The following SEMA4A variants were observed in gnomAD, a reference collection of about 807,000 sequenced individuals.
The protein encoded by SEMA4A is semaphorin-4A.
Under a neutral mutation model 72.5 loss-of-function variants are expected in SEMA4A, and 52 were observed. The ratio of observed to expected loss-of-function variants is 0.72; its 90% CI spans 0.57 to 0.90. The LOEUF (loss-of-function observed/expected upper bound fraction) is 0.90. Among genes scored for constraint, SEMA4A ranks in the 40% least tolerant of loss-of-function variants. The probability of loss-of-function intolerance (pLI) is 0.00; values close to 1 mark genes in which losing one functional copy is unlikely to be tolerated. For synonymous variants in SEMA4A, 369 were observed against 393.1 expected (o/e 0.94, Z 0.73); for missense variants, 926 against 959.7 (o/e 0.96, Z 0.46).
At position 156,163,034 on chromosome 1, in the gene SEMA4A, CA is replaced by C; in HGVS notation, c.1077del (p.Glu360LysfsTer30). Reference protein sequence around the residue: ...VFKGKYKELNKETSRWTTYRG... With the variant: ...VFKGKYKELNXETSRWTTYRG... ...TTAAGGGGAAATACAAAGAGTTGAACAAAGAAACTTCACGCTGGACTACTTA... is the reference window on the plus strand; with the variant it reads ...TTAAGGGGAAATACAAAGAGTTGAACAAGAAACTTCACGCTGGACTACTTA... On this transcript the variant is annotated frameshift_variant, in exon 10 of 15. Transcript: ENST00000368285. LOFTEE classifies it high-confidence loss of function. The C allele has an allele frequency of 6.2e-7, 1 of 1,614,174 alleles. No homozygotes were observed. The highest frequency in any genetic ancestry group is 8.5e-7 in the Non-Finnish European group (1 of 1,180,016).
chr1:156,163,348 A>G, intron 10 of SEMA4A: 2 of 519,640 alleles, frequency 3.8e-6, no homozygotes, highest in Non-Finnish European at 3.5e-6. Flanking sequence ...GTATATCACT[A>G]TGGAAACAAG....
At chr1:156,151,047 C>T (rs559814591), upstream of SEMA4A, among the ~76,000 whole-genome samples, 57 of 152,332 alleles carry the variant, frequency 3.7e-4, no homozygotes, top group African/African-American at 1.3e-3. Flanking sequence ...GGTACTTCTG[C>T]TCCTTGGCCT....
At chr1:156,172,130 T>G (rs1390748778) in intron 10 of SEMA4A, among the ~76,000 whole-genome samples, 1 of 125,890 alleles carries the variant, frequency 7.9e-6, no homozygotes, top group Non-Finnish European at 1.7e-5. Flanking sequence ...ATTTATTTAT[T>G]TATTTGAGAC....
chr1:156,163,444 G>A (rs111288913), intron 10 of SEMA4A: 9 of 321,772 alleles, frequency 2.8e-5, no homozygotes, highest in South Asian at 1.1e-4. Flanking sequence ...GGCCAGGGCC[G>A]GGTGTGGTGG....
At chr1:156,147,619 A>G (rs1652213259), upstream of SEMA4A, among the ~76,000 whole-genome samples, 1 of 151,860 alleles carries the variant, frequency 6.6e-6, no homozygotes, top group African/African-American at 2.4e-5. Context: ...GGCATATCCT[A>G]AGGAGCAGGA....
At chr1:156,155,283 A>C (rs1297611753) in intron 2 of SEMA4A, 3 of 157,218 alleles carry the variant, frequency 1.9e-5, no homozygotes, top group Non-Finnish European at 2.8e-5. Context: ...ACCTCCAGGG[A>C]GAAGACTCAG....
intron 6 of SEMA4A, among the ~76,000 whole-genome samples, chr1:156,160,016 T>C (rs73006732): frequency 0.017 from 2,582 of 151,684 alleles, 75 homozygotes; most frequent in African/African-American, 0.059. Context: ...CTGGAGGAGA[T>C]GGCCTTCGGC....
chr1:156,158,860 A>G lies in SEMA4A; in HGVS notation c.568+36A>G, dbSNP rs181440068. ...GGTTTCCCACTTCATCCCAACATCTACTTTCTCCAGTCACGCTGTGAAATA... is the reference window on the plus strand; with the variant it reads ...GGTTTCCCACTTCATCCCAACATCTGCTTTCTCCAGTCACGCTGTGAAATA... On this transcript the variant is annotated intron_variant, in intron 6 of 14. Transcript: ENST00000368285. 2.8e-3 allele frequency: 4,278 copies of G among 1,511,386 alleles called. 13 individuals carry two copies. The highest frequency in any genetic ancestry group is 3.1e-3 in the South Asian group (272 of 89,046). The allele number at this position is 1,511,386 out of a possible 1,614,324, so 93.6% of individuals were successfully genotyped here. A position where few individuals can be genotyped will look rare whatever the true frequency, so the allele number is the denominator to read the frequency against.
At chr1:156,162,286 T>C (rs1653738451) in intron 9 of SEMA4A, among the ~76,000 whole-genome samples, 1 of 152,138 alleles carries the variant, frequency 6.6e-6, no homozygotes, top group South Asian at 2.1e-4. Context: ...AATAAAGTCA[T>C]TGCTTGAAGG....
Position 156,177,129 on chromosome 1 carries a change from C to T in SEMA4A, c.*132C>T, listed in dbSNP as rs1312754548. On this transcript the variant is annotated 3_prime_UTR_variant, in exon 15 of 15. Transcript: ENST00000368285. ...TCCCCTGAGAGGAGCTTCTGCTACT[C>T]TGCATCACTGATGACACTCAGCAGG... 1 of 796,310 alleles carries T rather than the reference C, an allele frequency of 1.3e-6. No homozygotes were observed. The highest frequency in any genetic ancestry group is 1.7e-5 in the African/African-American group (1 of 58,840). 49.3% of individuals were successfully genotyped at this position (796,310 alleles called of 1,614,324 possible).
rs140884898 is a variant in SEMA4A at position 156,171,125 on chromosome 1, A to G, written c.1135-1701A>G. On this transcript the variant is annotated intron_variant, in intron 10 of 14. Transcript: ENST00000368285. The stretch of plus-strand genomic sequence containing the variant: ...AGTAGGTGCATGTGCTCATTCTGGC[A>G]TCAAAATGAGATGTAGATGTTATTA... 1.7e-4 allele frequency among the ~76,000 whole-genome samples: 26 copies of G among 152,300 alleles called. No homozygotes were observed. In the East Asian group the frequency reaches 4.6e-3, roughly 27 times the overall value.
At chr1:156,174,737 TC>T in intron 11 of SEMA4A, 84 bp from the exon 12 acceptor site, 1 of 1,573,940 alleles carries the variant, frequency 6.4e-7, no homozygotes, top group Non-Finnish European at 8.7e-7. Flanking sequence ...GAAGGAGCTT[TC>T]TTACAGCTGG....
chr1:156,168,989 A>C (rs527677465), intron 10 of SEMA4A, among the ~76,000 whole-genome samples: 110 of 152,126 alleles, frequency 7.2e-4, no homozygotes, highest in Non-Finnish European at 1.5e-4. Context: ...GTCCCCATCA[A>C]CTGGGCCTGC....
At position 156,154,713 on chromosome 1, in the gene SEMA4A, T is replaced by C. The variant is rs777459055; in HGVS notation, c.135T>C (p.Tyr45=). 11 of 1,581,698 alleles carry C rather than the reference T, an allele frequency of 7.0e-6. No homozygotes were observed. Among genetic ancestry groups the C allele is most frequent in the Non-Finnish European group, 9.4e-6 (11 of 1,164,148 alleles). The change falls in exon 2 of 15, where the codon TAT becomes TAC. Residue 45 remains tyrosine (Y), a synonymous_variant. Coordinates refer to ENST00000368285, the MANE Select transcript of SEMA4A (RefSeq NM_022367.4). ...GQGPMPRVRY[Y]AGDERRALSF... is the part of the protein sequence containing the mutation. ...GGCCCATGCCCAGGGTCAGATACTA[T>C]GCAGGTAAGTGTCCGACAGCAGGAA... is the stretch of plus-strand genomic sequence containing the variant.
upstream of SEMA4A, among the ~76,000 whole-genome samples, chr1:156,151,736 T>G (rs373349900): frequency 1.4e-5 from 2 of 146,090 alleles, no homozygotes; most frequent in African/African-American, 5.1e-5. Context: ...CCTGGGAGGC[T>G]GAGGCAGGAG....
At chr1:156,162,680 C>T (rs1461100864) in intron 9 of SEMA4A, among the ~76,000 whole-genome samples, 1 of 152,258 alleles carries the variant, frequency 6.6e-6, no homozygotes, top group Non-Finnish European at 1.5e-5. Flanking sequence ...ACCCCAGGGC[C>T]TGAGCCCCAA....
At position 156,176,719 on chromosome 1, in the gene SEMA4A, G is replaced by T. The variant is rs1655373537; in HGVS notation, c.2008G>T (p.Gly670Cys). 2 of 1,613,660 alleles carry T rather than the reference G, an allele frequency of 1.2e-6. No homozygotes were observed. The highest frequency in any genetic ancestry group is 1.1e-5 in the South Asian group (1 of 91,072). ...GAAGGTCCCGTTGACCAGGGTCAGT[G>T]GTGGGGCCGCCCTGGCTGCCCAGCA... ...HVKVPLTRVS[G>C]GAALAAQQSY... Residue 670 changes from glycine to cysteine, a missense_variant, in exon 15 of 15, where the codon GGT becomes TGT. By Grantham distance (159) the Gly-to-Cys change is radical. Coordinates refer to ENST00000368285, the MANE Select transcript of SEMA4A (RefSeq NM_022367.4).
At chr1:156,162,545 G>T (rs928208805) in intron 9 of SEMA4A, among the ~76,000 whole-genome samples, 1 of 152,220 alleles carries the variant, frequency 6.6e-6, no homozygotes, top group Admixed American at 6.5e-5. Context: ...GGCACTGGTC[G>T]GTTCTCTGAG....
chr1:156,150,229 A>T (rs1002310138), upstream of SEMA4A: 1 of 152,346 alleles, frequency 6.6e-6, no homozygotes, highest in East Asian at 1.9e-4. Context: ...TTCCAGAGCT[A>T]GTCAGACTGG....
Sources: gnomAD v4.1 joint callset for allele counts (sites outside exome capture counted in the v4.1 genomes callset) on GRCh38, gnomAD v4.1.1 for gene constraint, MANE v1.5 for transcripts, NCBI Gene and HGNC (gene_info 2026-07-23, HGNC 2026-07-21) for gene names.